The following PTRH1 variants were observed in gnomAD, a reference collection of about 807,000 sequenced individuals.
The protein encoded by PTRH1 is peptidyl-tRNA hydrolase.
Under a neutral mutation model 15.7 loss-of-function variants are expected in PTRH1, and 13 were observed. The ratio of observed to expected loss-of-function variants is 0.83; its 90% CI spans 0.54 to 1.31. PTRH1 has a LOEUF of 1.31. PTRH1 is among the 40% of genes most tolerant of loss of function. PTRH1 has a pLI of 0.00. For missense variants in PTRH1, 319 were observed against 296.2 expected, an observed-to-expected ratio of 1.08 and a Z score of -0.56; for synonymous variants, 139 against 136.7, an observed-to-expected ratio of 1.02 and a Z score of -0.12.
chr9:127,697,506 CAT>C (rs1842570899), intron 1 of PTRH1, among the ~76,000 whole-genome samples: 1 of 152,016 alleles, frequency 6.6e-6, no homozygotes, highest in Non-Finnish European at 1.5e-5. Context: ...CAAAAAAAAA[CAT>C]AAATTAGCTG....
intron 1 of PTRH1, among the ~76,000 whole-genome samples, chr9:127,704,847 C>T (rs1296902054): frequency 6.6e-6 from 1 of 152,108 alleles, no homozygotes; most frequent in Non-Finnish European, 1.5e-5. Flanking sequence ...TTCCTGGGCT[C>T]AAGCAGTCCT....
chr9:127,695,207 A>C, intron 1 of PTRH1: 1 of 637,728 alleles, frequency 1.6e-6, no homozygotes, highest in South Asian at 1.8e-5. Context: ...AGAAGAGAAC[A>C]GATAAACTGT....
chr9:127,712,465 C>A, downstream of PTRH1: 1 of 1,477,404 alleles, frequency 6.8e-7, no homozygotes, highest in Non-Finnish European at 9.1e-7. Context: ...CCCTGAGAGA[C>A]TCCTGGAAAG....
Position 127,714,101 on chromosome 9 carries a change from C to A in PTRH1, c.644G>T (p.Ter215LeuextTer2). ...GGCAGGCAGCCATGGCCACTAGTGT[C>A]ACGGCCCCAGTGAGGGCCCCTGGCT... ...ERSQGPSLGP[*>L] The change falls in exon 5 of 5, where the codon TGA (stop) becomes TTA (leucine). Residue 215 changes from the stop codon to leucine (L), a stop_lost. Coordinates refer to ENST00000543175, the MANE Select transcript of PTRH1 (RefSeq NM_001002913.3). The A allele has an allele frequency of 6.2e-7, 1 of 1,612,088 alleles. No homozygotes were observed. The highest frequency in any genetic ancestry group is 1.1e-5 in the South Asian group (1 of 90,836).
rs756468546 is a variant in PTRH1, at chr9:127,715,314, G to C, written c.97-120C>G. On this transcript the variant is annotated intron_variant, in intron 1 of 4. Coordinates refer to ENST00000543175, the MANE Select transcript of PTRH1 (RefSeq NM_001002913.3). The surrounding 1 kb of genome is among the most constrained non-coding windows in gnomAD (Gnocchi z 5.8). ...CAGAGCAACGCTGCAGTGGGGAAGGGGCGCGAAGAAGGGGCCCAGAAACCC... is the reference window on the plus strand; with the variant it reads ...CAGAGCAACGCTGCAGTGGGGAAGGCGCGCGAAGAAGGGGCCCAGAAACCC... The C allele has an allele frequency of 1.5e-6, 2 of 1,328,702 alleles. No individual in the cohort carries two copies. Among genetic ancestry groups the C allele is most frequent in the East Asian group, 2.5e-5 (1 of 39,986 alleles). The allele number at this position is 1,328,702 out of a possible 1,614,324, so 82.3% of individuals were successfully genotyped here.
At chr9:127,712,782 T>A, downstream of PTRH1, 1 of 1,614,172 alleles carries the variant, frequency 6.2e-7, no homozygotes, top group South Asian at 1.1e-5. Context: ...CTGCAGCAAC[T>A]GCTGGTCATG....
intron 2 of PTRH1, among the ~76,000 whole-genome samples, chr9:127,694,457 T>G (rs1036677763): frequency 3.3e-5 from 5 of 152,058 alleles, no homozygotes; most frequent in Non-Finnish European, 7.4e-5. Context: ...TCCTGTCACC[T>G]CTCTCCATTC....
intron 1 of PTRH1, chr9:127,706,886 G>T: frequency 1.1e-6 from 1 of 929,676 alleles, no homozygotes; most frequent in Non-Finnish European, 1.6e-6. Flanking sequence ...CTTGGAGTGG[G>T]ACCTGGTACC....
chr9:127,704,056 C>T (rs886933507), intron 1 of PTRH1, among the ~76,000 whole-genome samples: 2 of 152,206 alleles, frequency 1.3e-5, no homozygotes, highest in Non-Finnish European at 2.9e-5. Flanking sequence ...TTTTTGACCA[C>T]ACCTGCCTAG....
chr9:127,695,079 G>GAT lies in PTRH1; in HGVS notation c.266_267dup (p.His90IlefsTer12), dbSNP rs1842546214. 4 of 702,384 alleles carry GAT rather than the reference G, an allele frequency of 5.7e-6. No homozygotes were observed. Among genetic ancestry groups the GAT allele is most frequent in the Non-Finnish European group, 1.0e-5 (4 of 384,858 alleles). 43.5% of individuals were successfully genotyped at this position (702,384 alleles called of 1,614,324 possible). On this transcript the variant is annotated frameshift_variant, in exon 2 of 3. Coordinates refer to the PTRH1 transcript ENST00000335223. LOFTEE classifies it high-confidence loss of function. Reference sequence around the variant, plus strand: ...TGATGATGATGATGATGATGATGATGATGATGATGATGATGGTGATGATGA... The same window carrying GAT: ...TGATGATGATGATGATGATGATGATGATATGATGATGATGATGGTGATGATGA...
At chr9:127,707,312 C>T (rs1483702533) in intron 1 of PTRH1, 2 of 1,047,812 alleles carry the variant, frequency 1.9e-6, no homozygotes, top group Non-Finnish European at 1.4e-6. Context: ...CTGGGATGTC[C>T]AGACCCCATC....
downstream of PTRH1, chr9:127,713,022 G>A (rs746139886): frequency 3.0e-5 from 49 of 1,612,716 alleles, no homozygotes; most frequent in Non-Finnish European, 3.6e-5. Context: ...CCCCACAGCC[G>A]GCCCAGCATC....
chr9:127,695,141 C>T (rs901979298), exon 2 of PTRH1: 3 of 693,264 alleles, frequency 4.3e-6, no homozygotes, highest in African/African-American at 3.5e-5. Context: ...CCAAGCCAAG[C>T]CTGGGGAGAA....
rs193155320 is a variant in PTRH1 at position 127,696,586 on chromosome 9, C to T, written c.206-1445G>A. 2.6e-4 allele frequency among the ~76,000 whole-genome samples: 39 copies of T among 152,066 alleles called. No homozygotes were observed. The East Asian group carries it at 6.0e-3, about 24-fold the overall frequency. On this transcript the variant is annotated intron_variant, in intron 1 of 2. Transcript: ENST00000335223. ...TCAGAAAAACATTATCATCCGGGTGCGGAGGCTCACATCTGTTAATCCCAG... is the reference window on the plus strand; with the variant it reads ...TCAGAAAAACATTATCATCCGGGTGTGGAGGCTCACATCTGTTAATCCCAG...
intron 1 of PTRH1, among the ~76,000 whole-genome samples, chr9:127,699,094 C>A (rs1842584309): frequency 6.6e-6 from 1 of 152,158 alleles, no homozygotes; most frequent in Non-Finnish European, 1.5e-5. Context: ...GTTTGCCAGA[C>A]TGGTCTCGAA....
At chr9:127,709,274 C>A, downstream of PTRH1, 1 of 751,910 alleles carries the variant, frequency 1.3e-6, no homozygotes, top group Non-Finnish European at 2.1e-6. This position sits in a 1 kb window ranked among gnomAD's most constrained non-coding sequence, Gnocchi z 4.7. Context: ...GACCAAGGGG[C>A]ATAGTGGGAG....
chr9:127,697,754 T>C (rs1486833971), intron 1 of PTRH1, among the ~76,000 whole-genome samples: 2 of 152,212 alleles, frequency 1.3e-5, no homozygotes, highest in African/African-American at 4.8e-5. Flanking sequence ...AAGGACACTG[T>C]CAACACATGC....
downstream of PTRH1, chr9:127,710,493 C>A: frequency 1.5e-6 from 2 of 1,354,486 alleles, no homozygotes; most frequent in Non-Finnish European, 2.0e-6. Context: ...TGAGACCACA[C>A]AGGGCGCACA....
intron 1 of PTRH1, among the ~76,000 whole-genome samples, chr9:127,702,367 C>T (rs1305428028): frequency 4.1e-5 from 6 of 145,370 alleles, no homozygotes; most frequent in African/African-American, 1.3e-4. Flanking sequence ...AGCAAGATTC[C>T]GTCTCCAAAA....
Sources: gnomAD v4.1 joint callset for allele counts (sites outside exome capture counted in the v4.1 genomes callset) on GRCh38, gnomAD v4.1.1 for gene constraint, Gnocchi (gnomAD v3.1) non-coding constraint, MANE v1.5 for transcripts, NCBI Gene and HGNC (gene_info 2026-07-23, HGNC 2026-07-21) for gene names.